Variants in SLC44A1 observed in about 807,000 individuals in gnomAD.
SLC44A1 encodes the protein choline transporter-like protein 1.
SLC44A1 carries 26 observed loss-of-function variants against 79.3 expected under a neutral mutation model. The ratio of observed to expected loss-of-function variants is 0.33; its 90% CI spans 0.24 to 0.46. SLC44A1 has a LOEUF of 0.46. Among genes scored for constraint, SLC44A1 ranks in the 20% least tolerant of loss-of-function variants. The pLI, the probability that SLC44A1 is intolerant of heterozygous loss-of-function variation, is 1.00. For missense variants in SLC44A1, 688 were observed against 798.1 expected (o/e 0.86, Z 1.66); for synonymous variants, 263 against 286.2 (o/e 0.92, Z 0.82).
rs1829386466 is a variant in SLC44A1 at position 105,244,847 on chromosome 9, T to C, written c.-22T>C. The C allele has an allele frequency of 4.5e-6, 5 of 1,122,122 alleles. No homozygotes were observed. Among genetic ancestry groups the C allele is most frequent in the Admixed American group, 5.0e-5 (1 of 20,126 alleles). The allele number at this position is 1,122,122 out of a possible 1,614,324, so 69.5% of individuals were successfully genotyped here. On this transcript the variant is annotated 5_prime_UTR_variant, in exon 1 of 16. Transcript: ENST00000374720. ...GCGTAGCTGCGCGCCCGGCGCCGCC[T>C]CCGGGCTCCTTCGGCCCCGCCATGG...
intron 15 of SLC44A1, among the ~76,000 whole-genome samples, chr9:105,412,727 G>A (rs1432690625): frequency 8.6e-5 from 13 of 151,996 alleles, no homozygotes; most frequent in East Asian, 1.9e-4. Context: ...TCAGCCTCCC[G>A]AGTAGCTAGG....
chr9:105,347,386 A>G (rs1364595407), intron 4 of SLC44A1, among the ~76,000 whole-genome samples: 2 of 152,114 alleles, frequency 1.3e-5, no homozygotes, highest in African/African-American at 2.4e-5. Flanking sequence ...GCAAAATTAG[A>G]ACTGGAGCCT....
chr9:105,391,828 G>T lies in SLC44A1; in HGVS notation c.*2772G>T, dbSNP rs376233565. 1.0e-6 allele frequency: 1 copy of T among 985,158 alleles called. No homozygotes were observed. Among genetic ancestry groups the T allele is most frequent in the Non-Finnish European group, 1.2e-6 (1 of 829,860 alleles). 61.0% of individuals were successfully genotyped at this position (985,158 alleles called of 1,614,324 possible). On this transcript the variant is annotated 3_prime_UTR_variant, in exon 16 of 16. Coordinates refer to ENST00000374720, the MANE Select transcript of SLC44A1 (RefSeq NM_080546.5). ...TAATTTCATAAATCATTGATTCTAT[G>T]TGGTGGTTTTTGTCTTCTTCTGTGG...
chr9:105,297,625 G>GC (rs1187479019), intron 1 of SLC44A1, among the ~76,000 whole-genome samples: 2 of 152,054 alleles, frequency 1.3e-5, no homozygotes, highest in East Asian at 3.9e-4. Context: ...TCAGGTGATC[G>GC]CCCGCCTCGG....
intron 3 of SLC44A1, among the ~76,000 whole-genome samples, chr9:105,333,355 TC>T (rs1488932076): frequency 6.6e-6 from 1 of 152,130 alleles, no homozygotes; most frequent in Admixed American, 6.6e-5. Context: ...CTCTCTCCCA[TC>T]CCAGTTCCAC....
At chr9:105,278,970 G>C (rs926497124) in intron 1 of SLC44A1, among the ~76,000 whole-genome samples, 1 of 152,156 alleles carries the variant, frequency 6.6e-6, no homozygotes, top group Non-Finnish European at 1.5e-5. Flanking sequence ...TTGCCAGTCA[G>C]ATATGAGGTA....
At chr9:105,339,007 A>G (rs1316388124) in intron 4 of SLC44A1, among the ~76,000 whole-genome samples, 2 of 152,244 alleles carry the variant, frequency 1.3e-5, no homozygotes, top group African/African-American at 2.4e-5. Flanking sequence ...AAAATGTAGC[A>G]GAAAGCTGCG....
intron 1 of SLC44A1, among the ~76,000 whole-genome samples, chr9:105,280,356 C>T (rs1472723090): frequency 6.6e-6 from 1 of 152,188 alleles, no homozygotes; most frequent in Non-Finnish European, 1.5e-5. Context: ...TAACTTTACT[C>T]ACCTGTAAAG....
Position 105,394,876 on chromosome 9 carries a change from TTCCTCTGCCAATAGAA to T in SLC44A1, c.*5821_*5836del. ...AGTCACCCACTAGAGCAGCTTCAGA[TTCCTCTGCCAATAGAA>T]CTCCACCCCCAGTCCCTTACCTACT... On this transcript the variant is annotated 3_prime_UTR_variant, in exon 16 of 16. Transcript: ENST00000374720. 1.0e-6 allele frequency: 1 copy of T among 985,464 alleles called. No homozygotes were observed. Among genetic ancestry groups the T allele is most frequent in the Non-Finnish European group, 1.2e-6 (1 of 829,962 alleles). The allele number at this position is 985,464 out of a possible 1,614,324, so 61.0% of individuals were successfully genotyped here. A position where few individuals can be genotyped will look rare whatever the true frequency, so the allele number is the denominator to read the frequency against.
chr9:105,392,005 T>C lies in SLC44A1; in HGVS notation c.*2949T>C. ...AATTTAGACTTTCTAAGCTCCTGCC[T>C]GAAGAATAAGGTCTTCCATAATATG... On this transcript the variant is annotated 3_prime_UTR_variant, in exon 16 of 16. Transcript: ENST00000374720. 2 of 985,372 alleles carry C rather than the reference T, an allele frequency of 2.0e-6. No individual in the cohort carries two copies. The highest frequency in any genetic ancestry group is 2.4e-6 in the Non-Finnish European group (2 of 829,904). The allele number at this position is 985,372 out of a possible 1,614,324, so 61.0% of individuals were successfully genotyped here. A position where few individuals can be genotyped will look rare whatever the true frequency, so the allele number is the denominator to read the frequency against.
chr9:105,314,243 G>A (rs1185265258), intron 3 of SLC44A1, among the ~76,000 whole-genome samples: 1 of 152,142 alleles, frequency 6.6e-6, no homozygotes, highest in African/African-American at 2.4e-5. Flanking sequence ...GGTGAGGGCA[G>A]GGATGTTGTG....
At chr9:105,435,204 C>T (rs971131254) in intron 15 of SLC44A1, among the ~76,000 whole-genome samples, 4 of 151,674 alleles carry the variant, frequency 2.6e-5, no homozygotes, top group African/African-American at 9.7e-5. Context: ...ATATAGTCTC[C>T]TGGATAGGAT....
chr9:105,246,159 G>T (rs1829440524), intron 1 of SLC44A1, among the ~76,000 whole-genome samples: 1 of 152,116 alleles, frequency 6.6e-6, no homozygotes. Flanking sequence ...CGCTAGTTTG[G>T]GGGGAAAAAA....
chr9:105,360,553 G>A (rs1827749487), intron 7 of SLC44A1, among the ~76,000 whole-genome samples: 1 of 152,162 alleles, frequency 6.6e-6, no homozygotes, highest in Admixed American at 6.5e-5. Context: ...ATATGTGGAG[G>A]TAGGTTTGTC....
intron 4 of SLC44A1, among the ~76,000 whole-genome samples, chr9:105,345,004 G>A (rs942115669): frequency 6.6e-6 from 1 of 152,174 alleles, no homozygotes; most frequent in Non-Finnish European, 1.5e-5. Flanking sequence ...TAAACAGCAA[G>A]CATTGATTGT....
chr9:105,313,455 T>C (rs1244776503), intron 3 of SLC44A1, among the ~76,000 whole-genome samples: 3 of 152,104 alleles, frequency 2.0e-5, no homozygotes, highest in African/African-American at 7.2e-5. Flanking sequence ...TGCACTTAAA[T>C]TGTTGGTCAG....
intron 13 of SLC44A1, among the ~76,000 whole-genome samples, chr9:105,376,375 CTT>C (rs34947116): frequency 2.9e-5 from 4 of 136,296 alleles, no homozygotes; most frequent in Non-Finnish European, 4.7e-5. Flanking sequence ...ACACACACTG[CTT>C]TTTTTTTTTT....
chr9:105,418,279 A>C (rs1229734812), intron 15 of SLC44A1, among the ~76,000 whole-genome samples: 1 of 146,098 alleles, frequency 6.8e-6, no homozygotes, highest in Non-Finnish European at 1.5e-5. Context: ...GCGCCATTGC[A>C]CTCCAGCCTG....
intron 1 of SLC44A1, among the ~76,000 whole-genome samples, chr9:105,259,621 A>G (rs760550719): frequency 2.0e-5 from 3 of 152,198 alleles, no homozygotes; most frequent in Non-Finnish European, 4.4e-5. Context: ...TTCCAAATCT[A>G]TTTTGCATGT....
Sources: gnomAD v4.1 joint callset for allele counts (sites outside exome capture counted in the v4.1 genomes callset) on GRCh38, gnomAD v4.1.1 for gene constraint, MANE v1.5 for transcripts, NCBI Gene and HGNC (gene_info 2026-07-23, HGNC 2026-07-21) for gene names.